Variants in ATP2B4 observed in about 807,000 individuals in gnomAD.
The protein encoded by ATP2B4 is ATPase plasma membrane Ca2+ transporting 4, also known as plasma membrane calcium-transporting ATPase 4.
A neutral mutation model predicts 110.3 loss-of-function variants in ATP2B4; 39 were observed. That is an observed-to-expected ratio of 0.35 (90% confidence interval 0.27 to 0.46). The LOEUF (loss-of-function observed/expected upper bound fraction) is 0.46, where lower values mean the gene tolerates loss of function less well. Ranked by LOEUF, ATP2B4 falls within the 20% of genes least tolerant of loss-of-function variation. The probability of loss-of-function intolerance (pLI) is 1.00; values close to 1 mark genes in which losing one functional copy is unlikely to be tolerated. For synonymous variants in ATP2B4, 538 were observed against 571.7 expected (o/e 0.94, Z 0.84); for missense variants, 1,135 against 1,530.9 (o/e 0.74, Z 4.32).
chr1:203,696,919 C>T (rs543292081), intron 2 of ATP2B4, among the ~76,000 whole-genome samples: 10 of 152,118 alleles, frequency 6.6e-5, no homozygotes, highest in Admixed American at 4.6e-4. Context: ...GTGTGTGTGG[C>T]ATGTGGTGTG....
chr1:203,680,290 A>T (rs1332914883), intron 1 of ATP2B4, among the ~76,000 whole-genome samples: 1 of 152,112 alleles, frequency 6.6e-6, no homozygotes, highest in Non-Finnish European at 1.5e-5. Flanking sequence ...TTCTACTTAA[A>T]GGGCTTAATA....
intron 20 of ATP2B4, among the ~76,000 whole-genome samples, chr1:203,736,036 G>A (rs1666868792): frequency 6.6e-6 from 1 of 152,086 alleles, no homozygotes; most frequent in South Asian, 2.1e-4. Context: ...AGAAGTTATA[G>A]CCATACATTT....
At chr1:203,647,254 C>T (rs2102312761) in intron 1 of ATP2B4, among the ~76,000 whole-genome samples, 1 of 151,874 alleles carries the variant, frequency 6.6e-6, no homozygotes, top group Admixed American at 6.6e-5. Flanking sequence ...CTTAGTGAGA[C>T]TCCGTCACTT....
chr1:203,725,829 C>T (rs1382536815), intron 19 of ATP2B4, among the ~76,000 whole-genome samples: 3 of 151,802 alleles, frequency 2.0e-5, no homozygotes, highest in African/African-American at 7.3e-5. Context: ...CAGGCCTTCT[C>T]CCCTAAACCT....
At chr1:203,721,479 C>A in intron 17 of ATP2B4, 69 bp downstream of exon 17, 1 of 1,496,970 alleles carries the variant, frequency 6.7e-7, no homozygotes. Flanking sequence ...AAGAAGGTAG[C>A]GTGAGAGCAA....
At chr1:203,660,715 C>T (rs1351201855) in intron 1 of ATP2B4, among the ~76,000 whole-genome samples, 4 of 152,052 alleles carry the variant, frequency 2.6e-5, no homozygotes, top group Admixed American at 6.6e-5. Context: ...AGGAGAATTG[C>T]TTGAACCTGG....
intron 2 of ATP2B4, among the ~76,000 whole-genome samples, chr1:203,695,205 A>G (rs1183145106): frequency 6.6e-6 from 1 of 152,198 alleles, no homozygotes; most frequent in African/African-American, 2.4e-5. Context: ...AGGTAGCTTA[A>G]CAAATTACCA....
chr1:203,710,665 C>A lies in ATP2B4; in HGVS notation c.1800-212C>A, dbSNP rs186043802. 3.6e-3 allele frequency among the ~76,000 whole-genome samples: 543 copies of A among 152,276 alleles called. 3 individuals are homozygous for A. In the South Asian group the frequency reaches 0.037, roughly 10 times the overall value. ...TAAGAACAGATGACATGGGAGAATCCCACTCTCTATATATCTAGACCTTAA... is the reference window on the plus strand; with the variant it reads ...TAAGAACAGATGACATGGGAGAATCACACTCTCTATATATCTAGACCTTAA... On this transcript the variant is annotated intron_variant, in intron 11 of 20. Coordinates refer to ENST00000357681, the MANE Select transcript of ATP2B4 (RefSeq NM_001684.5).
intron 9 of ATP2B4, 67 bp from the exon 10 acceptor site, chr1:203,707,795 C>T: frequency 1.3e-6 from 2 of 1,583,220 alleles, no homozygotes; most frequent in African/African-American, 2.7e-5. Context: ...TAGGAAATGG[C>T]CTTTGACCTA....
intron 1 of ATP2B4, among the ~76,000 whole-genome samples, chr1:203,674,438 T>C (rs1664767616): frequency 6.6e-6 from 1 of 152,036 alleles, no homozygotes; most frequent in Non-Finnish European, 1.5e-5. Flanking sequence ...AGGTTGGCTT[T>C]CCCAAGGCTC....
chr1:203,639,821 G>C (rs1663573384), intron 1 of ATP2B4, among the ~76,000 whole-genome samples: 2 of 152,208 alleles, frequency 1.3e-5, no homozygotes, highest in South Asian at 4.1e-4. Flanking sequence ...TCTGTTGCTG[G>C]GATGCCCAGA....
In ATP2B4 at chr1:203,711,117, G is replaced by A. The variant is rs748318044; in HGVS notation, c.2031+9G>A. ...ACCCTGTGCGCCCAGAGGTGAGAGG[G>A]TGGGAAGCCACCCAGGAGTCTCAGG... On this transcript the variant is annotated intron_variant, in intron 12 of 20. Coordinates refer to ENST00000357681, the MANE Select transcript of ATP2B4 (RefSeq NM_001684.5). The A allele has an allele frequency of 1.1e-5, 18 of 1,613,686 alleles. No homozygotes were observed. The South Asian group carries it at 1.9e-4, about 17-fold the overall frequency.
chr1:203,739,472 C>T, intron 20 of ATP2B4, 74 bp from the exon 21 acceptor site: 1 of 1,460,950 alleles, frequency 6.8e-7, no homozygotes, highest in South Asian at 1.3e-5. Context: ...CTCCTAAATC[C>T]ACCATCTCCT....
chr1:203,691,769 G>C (rs1665383186), intron 2 of ATP2B4, among the ~76,000 whole-genome samples: 1 of 152,194 alleles, frequency 6.6e-6, no homozygotes, highest in Non-Finnish European at 1.5e-5. Flanking sequence ...CGGAAGAGTA[G>C]CATTCGGTTA....
chr1:203,697,992 A>G lies in ATP2B4; in HGVS notation c.194-165A>G, dbSNP rs1279162317. Among the ~76,000 whole-genome samples, 9 of 151,918 alleles carry G rather than the reference A, an allele frequency of 5.9e-5. No individual in the cohort carries two copies. The East Asian group carries it at 1.5e-3, about 26-fold the overall frequency. ...AGTGCTAGGATTACAGACGTGAGAT[A>G]CCATGCCTGGCCTCTTTATTTTATT... On this transcript the variant is annotated intron_variant, in intron 2 of 20. Transcript: ENST00000357681.
intron 2 of ATP2B4, among the ~76,000 whole-genome samples, chr1:203,694,172 CTTAG>C (rs1665465804): frequency 2.6e-5 from 4 of 152,216 alleles, no homozygotes; most frequent in Admixed American, 2.0e-4. Flanking sequence ...TGTTAGCAAT[CTTAG>C]TTATCACTCA....
chr1:203,697,427 C>A (rs1416573061), intron 2 of ATP2B4, among the ~76,000 whole-genome samples: 3 of 152,154 alleles, frequency 2.0e-5, no homozygotes, highest in Non-Finnish European at 2.9e-5. Context: ...CATAAAAGTT[C>A]TATGTGAATC....
chr1:203,666,591 C>T (rs1373323366), intron 1 of ATP2B4, among the ~76,000 whole-genome samples: 1 of 152,162 alleles, frequency 6.6e-6, no homozygotes, highest in East Asian at 1.9e-4. Context: ...AAGCTGACTC[C>T]TCTTCCTATT....
intron 3 of ATP2B4, among the ~76,000 whole-genome samples, chr1:203,698,640 AATTATT>A (rs935046422): frequency 6.7e-6 from 1 of 150,016 alleles, no homozygotes; most frequent in African/African-American, 2.5e-5. Flanking sequence ...TTTATTTATT[AATTATT>A]ATTATTATTA....
Sources: gnomAD v4.1 joint callset for allele counts (sites outside exome capture counted in the v4.1 genomes callset) on GRCh38, gnomAD v4.1.1 for gene constraint, MANE v1.5 for transcripts, NCBI Gene and HGNC (gene_info 2026-07-23, HGNC 2026-07-21) for gene names.